The following SLC71A1 variants were observed in gnomAD, a reference collection of about 807,000 sequenced individuals.
SLC71A1 encodes hippocampus abundant gene transcript 1.
chr1:100,070,862 A>G, the SLC71A1 span, among the ~76,000 whole-genome samples: 1 of 151,822 alleles, frequency 6.6e-6, no homozygotes, highest in Non-Finnish European at 1.5e-5. Flanking sequence ...TTTTTAATTG[A>G]CTCTTGGATG....
the SLC71A1 span, among the ~76,000 whole-genome samples, chr1:100,043,803 C>T: frequency 3.9e-5 from 6 of 152,218 alleles, no homozygotes; most frequent in African/African-American, 7.2e-5. Flanking sequence ...TGAGAACATA[C>T]GACATTTGGT....
chr1:100,041,427 T>C, the SLC71A1 span, among the ~76,000 whole-genome samples: 2 of 152,240 alleles, frequency 1.3e-5, no homozygotes, highest in Non-Finnish European at 2.9e-5. Flanking sequence ...TTCTTTTGGC[T>C]ATACATGTTT....
the SLC71A1 span, among the ~76,000 whole-genome samples, chr1:100,067,654 A>G: frequency 6.6e-6 from 1 of 152,132 alleles, no homozygotes; most frequent in Non-Finnish European, 1.5e-5. Context: ...TCTATAAAAA[A>G]TAAACAAAAT....
At chr1:100,077,777 C>T in the SLC71A1 span, among the ~76,000 whole-genome samples, 6 of 152,228 alleles carry the variant, frequency 3.9e-5, no homozygotes, top group South Asian at 4.1e-4. Flanking sequence ...TGAGTAGTGA[C>T]GCTTGTTGTC....
chr1:100,071,244 G>A, the SLC71A1 span, among the ~76,000 whole-genome samples: 2 of 142,860 alleles, frequency 1.4e-5, no homozygotes, highest in African/African-American at 5.2e-5. Context: ...TTGAGCCCAG[G>A]AGTTCAAGAC....
the SLC71A1 span, among the ~76,000 whole-genome samples, chr1:100,076,839 A>G: frequency 1.6e-4 from 24 of 152,370 alleles, no homozygotes; most frequent in African/African-American, 5.0e-4. Context: ...CTTTAAGGCT[A>G]TTATGTAATG....
the SLC71A1 span, among the ~76,000 whole-genome samples, chr1:100,056,394 T>C: frequency 6.6e-6 from 1 of 152,222 alleles, no homozygotes; most frequent in Admixed American, 6.5e-5. Flanking sequence ...ATCCTTTCAT[T>C]CATCTGTTGA....
the SLC71A1 span, chr1:100,077,038 T>TTAAA: frequency 1.7e-6 from 1 of 594,686 alleles, no homozygotes. Flanking sequence ...CTCAGACATA[T>TTAAA]TCAGGGCAAT....
At chr1:100,077,798 C>T in the SLC71A1 span, among the ~76,000 whole-genome samples, 22 of 152,074 alleles carry the variant, frequency 1.4e-4, no homozygotes, top group Non-Finnish European at 2.9e-5. Flanking sequence ...AGGCTGCCCA[C>T]GTAGATAGTA....
the SLC71A1 span, among the ~76,000 whole-genome samples, chr1:100,038,623 T>C: frequency 6.6e-6 from 1 of 151,994 alleles, no homozygotes; most frequent in Admixed American, 6.6e-5. Flanking sequence ...GGGAGGAATG[T>C]GCGGGGCTCC....
chr1:100,074,296 C>T, the SLC71A1 span, among the ~76,000 whole-genome samples: 7 of 152,236 alleles, frequency 4.6e-5, no homozygotes, highest in Non-Finnish European at 5.9e-5. Flanking sequence ...TATTCTTGGC[C>T]GGGCACGGTG....
chr1:100,042,751 G>T, the SLC71A1 span, among the ~76,000 whole-genome samples: 1 of 152,080 alleles, frequency 6.6e-6, no homozygotes, highest in Non-Finnish European at 1.5e-5. Flanking sequence ...GGGATTACAG[G>T]CATGTGCCAT....
chr1:100,083,028 T>C, the SLC71A1 span: 2 of 152,570 alleles, frequency 1.3e-5, no homozygotes, highest in Non-Finnish European at 2.9e-5. Flanking sequence ...ATCTATTATG[T>C]AGATAAATAT....
the SLC71A1 span, among the ~76,000 whole-genome samples, chr1:100,076,291 T>G: frequency 6.6e-6 from 1 of 152,220 alleles, no homozygotes; most frequent in African/African-American, 2.4e-5. Context: ...TCCTGAATTA[T>G]TTTTACTTGT....
the SLC71A1 span, among the ~76,000 whole-genome samples, chr1:100,081,732 T>C: frequency 2.6e-5 from 4 of 152,220 alleles, no homozygotes; most frequent in South Asian, 6.2e-4. Flanking sequence ...AACAAATTAA[T>C]CATAGAATAG....
At chr1:100,065,756 C>T in the SLC71A1 span, among the ~76,000 whole-genome samples, 1 of 150,974 alleles carries the variant, frequency 6.6e-6, no homozygotes, top group Admixed American at 6.6e-5. Flanking sequence ...CTTCCCCTTT[C>T]CCCTTTTCCT....
At chr1:100,051,096 A>G in the SLC71A1 span, among the ~76,000 whole-genome samples, 2 of 147,010 alleles carry the variant, frequency 1.4e-5, no homozygotes, top group South Asian at 4.2e-4. Context: ...AAAAAAAAAA[A>G]ACAAAAAAAA....
the SLC71A1 span, chr1:100,078,455 A>T: frequency 6.2e-7 from 1 of 1,609,116 alleles, no homozygotes; most frequent in Non-Finnish European, 8.5e-7. Flanking sequence ...TTATAGGATG[A>T]TGTGGGCTGC....
the SLC71A1 span, among the ~76,000 whole-genome samples, chr1:100,060,611 A>G: frequency 1.3e-5 from 2 of 152,108 alleles, no homozygotes; most frequent in Non-Finnish European, 2.9e-5. Context: ...GTTGCTAAGA[A>G]GAGCACATCA....
Sources: gnomAD v4.1 joint callset for allele counts (sites outside exome capture counted in the v4.1 genomes callset) on GRCh38, gnomAD v4.1.1 for gene constraint, MANE v1.5 for transcripts, NCBI Gene and HGNC (gene_info 2026-07-23, HGNC 2026-07-21) for gene names.